NCLN: variants seen among roughly 807,000 people sequenced by gnomAD.
NCLN encodes the protein nicalin.
NCLN carries 34 observed loss-of-function variants against 69.5 expected under a neutral mutation model. The observed-to-expected ratio is 0.49, with a 90% CI of 0.37 to 0.65. NCLN has a LOEUF of 0.65. NCLN is among the 30% of genes least tolerant of loss of function. NCLN has a pLI of 0.00. For synonymous variants in NCLN, 393 were observed against 358.3 expected, an observed-to-expected ratio of 1.10 and a Z score of -1.09; for missense variants, 710 against 804.8, an observed-to-expected ratio of 0.88 and a Z score of 1.42.
Position 3,205,945 on chromosome 19 carries a change from G to C in NCLN, c.1215G>C (p.Arg405=), listed in dbSNP as rs201016851. ...TTGTTTTTGAATCGTGAAGGTCCCG[G>C]GTGGATTCTAAGACCCTGACCCGTA... ...QRSSIMDVRS[R]VDSKTLTRNT... is the part of the protein sequence containing the mutation. The change falls in exon 10 of 15, where the codon CGG becomes CGC. Residue 405 remains arginine (R), a synonymous_variant. Transcript: ENST00000246117. This position sits in a 1 kb window ranked among gnomAD's most constrained non-coding sequence, Gnocchi z 4.6. 4 of 1,613,716 alleles carry C rather than the reference G, an allele frequency of 2.5e-6. No individual in the cohort carries two copies. In the African/African-American group the frequency reaches 4.0e-5, roughly 16 times the overall value.
At position 3,207,672 on chromosome 19, in the gene NCLN, A is replaced by G; in HGVS notation, c.1676A>G (p.Lys559Arg). ...LYKTVQRLLV[K>R]AKTQ Reference sequence around the variant, plus strand: ...AAGACCGTCCAGAGGCTGCTCGTGAAGGCCAAGACACAGTGACACAGCCAC... The same window carrying G: ...AAGACCGTCCAGAGGCTGCTCGTGAGGGCCAAGACACAGTGACACAGCCAC... Residue 559 changes from lysine (K) to arginine (R), a missense_variant, in exon 15 of 15, where the codon AAG becomes AGG. Coordinates refer to ENST00000246117, the MANE Select transcript of NCLN (RefSeq NM_020170.4). 6.2e-7 allele frequency: 1 copy of G among 1,612,728 alleles called. No individual in the cohort carries two copies. Among genetic ancestry groups the G allele is most frequent in the Non-Finnish European group, 8.5e-7 (1 of 1,179,796 alleles).
Position 3,196,280 on chromosome 19 carries a change from G to C in NCLN, c.615+3G>C, listed in dbSNP as rs1006652528. ...ACTGGCTGATTGCCAGCGTGGAGGT[G>C]AGTGCCGCCTGCCCCGGAGCCAGCC... On this transcript the variant is annotated splice_donor_region_variant and intron_variant, in intron 4 of 14. Transcript: ENST00000246117. 6.5e-7 allele frequency: 1 copy of C among 1,540,840 alleles called. No homozygotes were observed. Among genetic ancestry groups the C allele is most frequent in the Non-Finnish European group, 8.8e-7 (1 of 1,139,014 alleles).
In NCLN at chr19:3,196,165, C is replaced by T; in HGVS notation, c.521-18C>T. The T allele has an allele frequency of 6.6e-7, 1 of 1,516,720 alleles. No individual in the cohort carries two copies. The highest frequency in any genetic ancestry group is 2.0e-5 in the Admixed American group (1 of 49,454). 94.0% of individuals were successfully genotyped at this position (1,516,720 alleles called of 1,614,324 possible). ...CCCTGGCTGGGCCAAGGCTGATGCG[C>T]CCTCTCCCTCTCCCTAGTACTGCTG... On this transcript the variant is annotated intron_variant, in intron 3 of 14. Transcript: ENST00000246117.
chr19:3,202,794 C>T (rs916174027), intron 6 of NCLN, among the ~76,000 whole-genome samples: 3 of 152,080 alleles, frequency 2.0e-5, no homozygotes, highest in Admixed American at 6.5e-5. Flanking sequence ...CCCAGCCCCC[C>T]ACTGATGCCT....
chr19:3,193,583 C>T (rs551095588), intron 3 of NCLN, among the ~76,000 whole-genome samples, 155 bp downstream of exon 3: 1 of 152,222 alleles, frequency 6.6e-6, no homozygotes, highest in Non-Finnish European at 1.5e-5. Context: ...CCCGTGTGGA[C>T]CTGCTACATC....
At chr19:3,192,798 G>T in intron 2 of NCLN, 138 bp downstream of exon 2, 1 of 812,194 alleles carries the variant, frequency 1.2e-6, no homozygotes, top group African/African-American at 1.8e-5. Flanking sequence ...CTGCTCCATT[G>T]ATCTCCAAGG....
At chr19:3,191,568 CAG>C (rs145611661) in intron 1 of NCLN, among the ~76,000 whole-genome samples, 6,812 of 152,314 alleles carry the variant, frequency 0.045, 209 homozygotes, top group South Asian at 0.077. Context: ...TGGCTCAACA[CAG>C]GGGTTTAACC....
At position 3,199,804 on chromosome 19, in the gene NCLN, G is replaced by A. The variant is rs112379111; in HGVS notation, c.696+907G>A. ...CAACCTCTGCCTCCTGGGTTTAAGC[G>A]ATTCTCCTGCCTCAGTCTCCCGAGT... is the stretch of plus-strand genomic sequence containing the variant. On this transcript the variant is annotated intron_variant, in intron 5 of 14. Coordinates refer to ENST00000246117, the MANE Select transcript of NCLN (RefSeq NM_020170.4). Among the ~76,000 whole-genome samples, 66 of 147,544 alleles carry A rather than the reference G, an allele frequency of 4.5e-4. 1 individual carries two copies. The highest frequency in any genetic ancestry group is 1.6e-3 in the African/African-American group (62 of 39,722).
chr19:3,190,240 C>G lies in NCLN; in HGVS notation c.185-2230C>G, dbSNP rs1294975086. Among the ~76,000 whole-genome samples, 4 of 152,208 alleles carry G rather than the reference C, an allele frequency of 2.6e-5. No individual in the cohort carries two copies. The East Asian group carries it at 5.8e-4, about 22-fold the overall frequency. ...GCCTCCCAAGGGCAGAGGAAAGGCT[C>G]CCAGCAGGCCTGGTGATGTCAGGCT... On this transcript the variant is annotated intron_variant, in intron 1 of 14. Transcript: ENST00000246117.
chr19:3,207,341 G>A lies in NCLN; in HGVS notation c.1554-50G>A, dbSNP rs570450860. 65 of 1,612,770 alleles carry A rather than the reference G, an allele frequency of 4.0e-5. No homozygotes were observed. The East Asian group carries it at 1.2e-3, about 31-fold the overall frequency. On this transcript the variant is annotated intron_variant, in intron 13 of 14. Coordinates refer to ENST00000246117, the MANE Select transcript of NCLN (RefSeq NM_020170.4). ...GGCCCACGGGGGTCTAGGGGTTCATGTTACTGCCGCGCACCATCCTCGACC... is the reference window on the plus strand; with the variant it reads ...GGCCCACGGGGGTCTAGGGGTTCATATTACTGCCGCGCACCATCCTCGACC...
Position 3,206,432 on chromosome 19 carries a change from C to A in NCLN, c.1499+7C>A, listed in dbSNP as rs1179721441. The A allele has an allele frequency of 9.1e-6, 14 of 1,544,156 alleles. No homozygotes were observed. Among genetic ancestry groups the A allele is most frequent in the Non-Finnish European group, 1.2e-5 (14 of 1,145,320 alleles). On this transcript the variant is annotated splice_region_variant and intron_variant, in intron 12 of 14. Transcript: ENST00000246117. ...ACGTCAAGGCTGACAAGCGGTGAGG[C>A]TGGGGCTCCGCGCTGGCCCCGTTCA...
intron 6 of NCLN, among the ~76,000 whole-genome samples, chr19:3,203,459 G>T (rs1916177383): frequency 6.6e-6 from 1 of 152,182 alleles, no homozygotes; most frequent in South Asian, 2.1e-4. Context: ...TGGCCCTGCT[G>T]CCTGGAGACA....
In NCLN at chr19:3,209,258, C is replaced by G. The variant is rs1422822982; in HGVS notation, c.*1570C>G. On this transcript the variant is annotated 3_prime_UTR_variant, in exon 15 of 15. Transcript: ENST00000246117. Reference sequence around the variant, plus strand: ...AGGTTGGCAGGGGACCCTCTTCTCCCGTCTGCCCTGCGGGTTGCCCGCCTC... The same window carrying G: ...AGGTTGGCAGGGGACCCTCTTCTCCGGTCTGCCCTGCGGGTTGCCCGCCTC... 1 of 152,348 alleles carries G rather than the reference C, an allele frequency of 6.6e-6. No homozygotes were observed. The highest frequency in any genetic ancestry group is 1.9e-4 in the East Asian group (1 of 5,194). The allele number at this position is 152,348 out of a possible 1,614,324, so 9.4% of individuals were successfully genotyped here.
chr19:3,203,331 C>A (rs376557932), intron 6 of NCLN, among the ~76,000 whole-genome samples: 1 of 151,842 alleles, frequency 6.6e-6, no homozygotes, highest in African/African-American at 2.4e-5. Context: ...AAAAAGAATT[C>A]TTCTTCTTTA....
chr19:3,192,349 C>A, intron 1 of NCLN, 121 bp from the exon 2 acceptor site: 2 of 813,768 alleles, frequency 2.5e-6, no homozygotes, highest in South Asian at 2.0e-5. Context: ...AATCGGTGGT[C>A]TTCCAGGTTG....
chr19:3,186,470 C>T (rs1252251701), intron 1 of NCLN, among the ~76,000 whole-genome samples: 1 of 152,190 alleles, frequency 6.6e-6, no homozygotes, highest in East Asian at 1.9e-4. Flanking sequence ...GCCCCGGAAC[C>T]CATGGCCGGG....
At chr19:3,207,567 A>C (rs374881340) in intron 14 of NCLN, 62 bp from the exon 15 acceptor site, 2 of 1,609,492 alleles carry the variant, frequency 1.2e-6, no homozygotes, top group African/African-American at 2.7e-5. Context: ...CTCAGCCTAG[A>C]GTCACATGAC....
At chr19:3,201,961 G>T (rs1916136601) in intron 6 of NCLN, among the ~76,000 whole-genome samples, 3 of 152,108 alleles carry the variant, frequency 2.0e-5, no homozygotes, top group South Asian at 4.1e-4. Flanking sequence ...CTGGGGGTGG[G>T]GGCCGTCCTG....
intron 6 of NCLN, among the ~76,000 whole-genome samples, chr19:3,203,178 C>T (rs1338915965): frequency 6.6e-6 from 1 of 152,032 alleles, no homozygotes. Context: ...TGTGGTGCTG[C>T]ATGCCTGTAA....
Sources: allele counts gnomAD v4.1 joint callset (sites outside exome capture counted in the v4.1 genomes callset), GRCh38; gene constraint gnomAD v4.1.1; non-coding constraint Gnocchi (gnomAD v3.1); transcripts MANE v1.5; gene names NCBI Gene and HGNC (gene_info 2026-07-23, HGNC 2026-07-21).